The following SERPINE2 variants were observed in gnomAD, a reference collection of about 807,000 sequenced individuals.
The protein encoded by SERPINE2 is glia-derived nexin.
In SERPINE2, 14 loss-of-function variants were observed where a neutral mutation model predicts 36.3. That is an observed-to-expected ratio of 0.39 (90% CI 0.25 to 0.60). The LOEUF (loss-of-function observed/expected upper bound fraction) is 0.60, where lower values mean the gene tolerates loss of function less well. Among genes scored for constraint, SERPINE2 ranks in the 20% least tolerant of loss-of-function variants. SERPINE2 has a pLI of 0.57. For missense variants in SERPINE2, 418 were observed against 499.6 expected (o/e 0.84, Z 1.56); for synonymous variants, 192 against 191.8 (o/e 1.00, Z -0.01).
At chr2:224,023,307 C>T (rs1302087907) in intron 1 of SERPINE2, among the ~76,000 whole-genome samples, 2 of 152,234 alleles carry the variant, frequency 1.3e-5, no homozygotes, top group Admixed American at 1.3e-4. Context: ...AGTTTGTCTT[C>T]TCTGCTTCAT....
chr2:223,980,217 G>C, intron 7 of SERPINE2, 94 bp downstream of exon 7: 8 of 1,026,484 alleles, frequency 7.8e-6, no homozygotes, highest in Non-Finnish European at 1.2e-5. Context: ...TGGCTGGAAA[G>C]AGGGTGCATT....
chr2:224,000,769 G>A (rs1316950282), intron 2 of SERPINE2, among the ~76,000 whole-genome samples: 1 of 151,620 alleles, frequency 6.6e-6, no homozygotes, highest in Non-Finnish European at 1.5e-5. Flanking sequence ...TCCCACTTTT[G>A]AGTGAGAACA....
intron 1 of SERPINE2, among the ~76,000 whole-genome samples, chr2:224,028,331 C>T (rs1692251783): frequency 2.0e-5 from 3 of 152,218 alleles, no homozygotes; most frequent in African/African-American, 7.2e-5. Context: ...ATTCTCTATT[C>T]TCTAGCTATG....
intron 4 of SERPINE2, among the ~76,000 whole-genome samples, chr2:223,989,880 G>A (rs755679818): frequency 1.1e-4 from 17 of 152,192 alleles, no homozygotes; most frequent in Non-Finnish European, 1.9e-4. Context: ...AGCAGAATTT[G>A]ATGAAGGACC....
At chr2:224,023,230 T>C (rs978841407) in intron 1 of SERPINE2, among the ~76,000 whole-genome samples, 1 of 152,220 alleles carries the variant, frequency 6.6e-6, no homozygotes, top group African/African-American at 2.4e-5. Context: ...CCGTCTCTTG[T>C]GAGTCTGGTA....
At chr2:223,977,395 A>T (rs1322425638) in intron 8 of SERPINE2, 149 bp downstream of exon 8, 2 of 626,810 alleles carry the variant, frequency 3.2e-6, no homozygotes, top group Non-Finnish European at 5.9e-6. Context: ...CTATCTCTTT[A>T]ACATGGGTGG....
chr2:224,012,048 C>T (rs1405213604), intron 1 of SERPINE2, among the ~76,000 whole-genome samples: 4 of 152,200 alleles, frequency 2.6e-5, no homozygotes, highest in Non-Finnish European at 5.9e-5. Context: ...ACAAACACCA[C>T]TCCCTCCCTG....
intron 1 of SERPINE2, chr2:224,031,602 G>T: frequency 6.5e-6 from 4 of 613,434 alleles, no homozygotes; most frequent in Non-Finnish European, 6.1e-6. Flanking sequence ...TCACTCCTCT[G>T]CCCACAGCCA....
Position 223,975,777 on chromosome 2 carries a change from A to C in SERPINE2, c.*90T>G. ...TTTGAAAAAGAAGCGATGTACAAAA[A>C]TATTTAACAGAACTATGAAAGATGC... On this transcript the variant is annotated 3_prime_UTR_variant, in exon 9 of 9. Coordinates refer to ENST00000409304, the MANE Select transcript of SERPINE2 (RefSeq NM_001136528.2). 1.8e-6 allele frequency: 2 copies of C among 1,091,966 alleles called. No individual in the cohort carries two copies. The highest frequency in any genetic ancestry group is 2.6e-6 in the Non-Finnish European group (2 of 756,530). The allele number at this position is 1,091,966 out of a possible 1,614,324, so 67.6% of individuals were successfully genotyped here.
chr2:223,983,736 ATG>A (rs71058971), intron 5 of SERPINE2, among the ~76,000 whole-genome samples: 6,727 of 82,334 alleles, frequency 0.082, 491 homozygotes, highest in African/African-American at 0.19. Context: ...ATGTGTGTAT[ATG>A]TGTGTGTGTG....
chr2:224,026,078 C>G (rs1692171547), intron 1 of SERPINE2, among the ~76,000 whole-genome samples: 1 of 152,174 alleles, frequency 6.6e-6, no homozygotes, highest in Admixed American at 6.5e-5. Context: ...TCAAAATCTC[C>G]CATATGCAGT....
At chr2:224,035,661 G>A (rs1348069628) in intron 1 of SERPINE2, among the ~76,000 whole-genome samples, 5 of 152,130 alleles carry the variant, frequency 3.3e-5, no homozygotes, top group African/African-American at 9.7e-5. Flanking sequence ...GAGCCACCAC[G>A]CACTGCCTCA....
At chr2:224,006,833 G>A (rs888814213) in intron 1 of SERPINE2, among the ~76,000 whole-genome samples, 4 of 152,160 alleles carry the variant, frequency 2.6e-5, no homozygotes, top group Admixed American at 6.5e-5. Context: ...TAGTACTACT[G>A]GACCCTCACC....
chr2:224,032,216 C>T (rs1388749296), intron 1 of SERPINE2, among the ~76,000 whole-genome samples: 1 of 152,176 alleles, frequency 6.6e-6, no homozygotes, highest in Non-Finnish European at 1.5e-5. Context: ...GCACTTTCCC[C>T]AAAGGAAGAA....
intron 1 of SERPINE2, among the ~76,000 whole-genome samples, chr2:224,021,219 G>A (rs928271895): frequency 7.2e-5 from 11 of 152,168 alleles, no homozygotes; most frequent in African/African-American, 2.7e-4. Flanking sequence ...TCAAAGGGTG[G>A]GTGAAGGCAG....
chr2:224,024,990 A>G (rs970322112), intron 1 of SERPINE2, among the ~76,000 whole-genome samples: 4 of 152,190 alleles, frequency 2.6e-5, no homozygotes, highest in Non-Finnish European at 5.9e-5. Flanking sequence ...GATCCCCAAC[A>G]ATGGGGCTGG....
intron 1 of SERPINE2, among the ~76,000 whole-genome samples, chr2:224,036,570 C>T (rs1455840315): frequency 6.7e-6 from 1 of 150,036 alleles, no homozygotes; most frequent in African/African-American, 2.5e-5. Flanking sequence ...CACCATGGCA[C>T]GTGTATACCT....
intron 6 of SERPINE2, chr2:223,981,263 G>A (rs1273983546): frequency 6.6e-6 from 1 of 152,182 alleles, no homozygotes; most frequent in Non-Finnish European, 1.5e-5. Flanking sequence ...GACTTTCCAG[G>A]AGAATCTGGG....
At chr2:224,017,409 C>T (rs981495659) in intron 1 of SERPINE2, among the ~76,000 whole-genome samples, 5 of 152,138 alleles carry the variant, frequency 3.3e-5, no homozygotes, top group African/African-American at 1.2e-4. Flanking sequence ...TTTCCCTGTA[C>T]TGCAAATGTA....
Sources: allele counts gnomAD v4.1 joint callset (sites outside exome capture counted in the v4.1 genomes callset), GRCh38; gene constraint gnomAD v4.1.1; transcripts MANE v1.5; gene names NCBI Gene and HGNC (gene_info 2026-07-23, HGNC 2026-07-21).